The following PTGER3 variants were observed in gnomAD, a reference collection of about 807,000 sequenced individuals.
PTGER3 encodes the protein prostaglandin E2 receptor EP3 subtype.
PTGER3 carries 22 observed loss-of-function variants against 34.7 expected under a neutral mutation model. The ratio of observed to expected loss-of-function variants is 0.63; its 90% confidence interval spans 0.45 to 0.91. The LOEUF (loss-of-function observed/expected upper bound fraction) is 0.91. Among genes scored for constraint, PTGER3 ranks in the 40% least tolerant of loss-of-function variants. The pLI, the probability that PTGER3 is intolerant of heterozygous loss-of-function variation, is 0.00. For missense variants in PTGER3, 468 were observed against 519.4 expected (o/e 0.90, Z 0.96); for synonymous variants, 241 against 230.1 (o/e 1.05, Z -0.43).
intron 1 of PTGER3, among the ~76,000 whole-genome samples, chr1:71,014,957 C>T (rs960128096): frequency 3.3e-5 from 5 of 152,164 alleles, no homozygotes; most frequent in Admixed American, 3.3e-4. Context: ...GTATTCAAAG[C>T]CCTCTACAGT....
At chr1:70,888,293 C>T (rs1646541209) in intron 4 of PTGER3, among the ~76,000 whole-genome samples, 1 of 152,150 alleles carries the variant, frequency 6.6e-6, no homozygotes, top group Non-Finnish European at 1.5e-5. Context: ...AAATAATAGG[C>T]TTCTGGAGAC....
intron 4 of PTGER3, among the ~76,000 whole-genome samples, chr1:70,926,420 G>T (rs987771201): frequency 3.9e-5 from 6 of 152,280 alleles, no homozygotes; most frequent in Admixed American, 3.9e-4. Context: ...GGATTCCTAA[G>T]TATTTTATTC....
chr1:70,866,862 T>C (rs953619270), intron 4 of PTGER3, among the ~76,000 whole-genome samples: 3 of 152,220 alleles, frequency 2.0e-5, no homozygotes, highest in Non-Finnish European at 4.4e-5. Context: ...ATGCTCTTAC[T>C]TCTGGATCAG....
chr1:70,959,719 G>A (rs1014918991), intron 2 of PTGER3, among the ~76,000 whole-genome samples: 9 of 152,130 alleles, frequency 5.9e-5, no homozygotes, highest in East Asian at 5.8e-4. Flanking sequence ...CAGGGCTGAC[G>A]TGTCATTGAG....
intron 1 of PTGER3, among the ~76,000 whole-genome samples, chr1:71,012,850 CATCTTA>C (rs1460916658): frequency 1.3e-5 from 2 of 152,222 alleles, no homozygotes; most frequent in East Asian, 3.9e-4. Flanking sequence ...ATAACAAAAA[CATCTTA>C]ATCTTAAATT....
At chr1:71,036,788 G>A (rs1572995559) in intron 1 of PTGER3, among the ~76,000 whole-genome samples, 2 of 150,412 alleles carry the variant, frequency 1.3e-5, no homozygotes, top group South Asian at 2.1e-4. Context: ...GCAGTGAGCC[G>A]AGATCGTGCT....
At chr1:71,028,180 G>C (rs1000909626) in intron 1 of PTGER3, among the ~76,000 whole-genome samples, 1 of 152,064 alleles carries the variant, frequency 6.6e-6, no homozygotes, top group African/African-American at 2.4e-5. Context: ...GAATGTGCCG[G>C]GGTTAGGGAT....
chr1:70,889,201 T>G (rs1302263853), intron 4 of PTGER3, among the ~76,000 whole-genome samples: 12 of 151,446 alleles, frequency 7.9e-5, no homozygotes, highest in Admixed American at 5.9e-4. Context: ...GGATCACGAG[T>G]TCAGGAGATC....
intron 4 of PTGER3, among the ~76,000 whole-genome samples, chr1:70,853,930 A>G (rs1024014889): frequency 1.3e-5 from 2 of 152,210 alleles, no homozygotes; most frequent in African/African-American, 4.8e-5. Flanking sequence ...CATGCAAAAG[A>G]ATGAAGTCGG....
chr1:70,941,391 C>A (rs1251906792), intron 4 of PTGER3, among the ~76,000 whole-genome samples: 1 of 152,146 alleles, frequency 6.6e-6, no homozygotes, highest in Non-Finnish European at 1.5e-5. Flanking sequence ...AATCACCATT[C>A]TTATGTCATT....
chr1:70,888,575 G>T (rs1347806265), intron 4 of PTGER3, among the ~76,000 whole-genome samples: 1 of 151,986 alleles, frequency 6.6e-6, no homozygotes. Context: ...ATTAACCATA[G>T]TCCCCATGCT....
At chr1:70,930,715 A>G (rs971600429) in intron 4 of PTGER3, among the ~76,000 whole-genome samples, 4 of 152,128 alleles carry the variant, frequency 2.6e-5, no homozygotes, top group African/African-American at 9.7e-5. Context: ...CTTATTCACT[A>G]CCATGAGAAC....
intron 4 of PTGER3, among the ~76,000 whole-genome samples, chr1:70,926,588 A>G (rs1243944953): frequency 6.6e-6 from 1 of 152,142 alleles, no homozygotes; most frequent in Non-Finnish European, 1.5e-5. Flanking sequence ...GGGCTGAGGC[A>G]ATGGGGTTTT....
At chr1:71,034,774 G>C (rs1659684702) in intron 1 of PTGER3, among the ~76,000 whole-genome samples, 1 of 152,150 alleles carries the variant, frequency 6.6e-6, no homozygotes, top group Non-Finnish European at 1.5e-5. Context: ...TCATGGCATG[G>C]AGGAAACATG....
chr1:70,981,052 A>G (rs750551696), intron 2 of PTGER3, among the ~76,000 whole-genome samples: 1 of 152,162 alleles, frequency 6.6e-6, no homozygotes, highest in African/African-American at 2.4e-5. Flanking sequence ...CTAAGGAATT[A>G]TATTGACAAT....
rs187247572 is a variant in PTGER3, at chr1:70,868,269, A to T, written c.*24-15410T>A. Among the ~76,000 whole-genome samples, 43 of 152,110 alleles carry T rather than the reference A, an allele frequency of 2.8e-4. No homozygotes were observed. The East Asian group carries it at 6.4e-3, about 23-fold the overall frequency. ...TGCCCACCTTCACTTTCATGAGAAG[A>T]CTTGGGCTTTTCCTCTCTATGCCCA... On this transcript the variant is annotated intron_variant, in intron 4 of 4. Coordinates refer to the PTGER3 transcript ENST00000370931.
chr1:70,943,069 C>T (rs1244302257), intron 4 of PTGER3, among the ~76,000 whole-genome samples: 1 of 152,104 alleles, frequency 6.6e-6, no homozygotes, highest in Non-Finnish European at 1.5e-5. Context: ...CCTGAGCATA[C>T]CCCATTTATC....
chr1:70,908,315 C>T (rs1646992360), intron 4 of PTGER3, among the ~76,000 whole-genome samples: 1 of 152,152 alleles, frequency 6.6e-6, no homozygotes, highest in Non-Finnish European at 1.5e-5. Context: ...ATTGCCAGAA[C>T]CTGAGGCAGA....
chr1:70,952,761 T>C, exon 4 of PTGER3: 1 of 1,302,160 alleles, frequency 7.7e-7, no homozygotes, highest in Non-Finnish European at 9.8e-7. Context: ...TTTGCCCAAA[T>C]GACCTGGCTT....
Sources: gnomAD v4.1 joint callset for allele counts (sites outside exome capture counted in the v4.1 genomes callset) on GRCh38, gnomAD v4.1.1 for gene constraint, MANE v1.5 for transcripts, NCBI Gene and HGNC (gene_info 2026-07-23, HGNC 2026-07-21) for gene names.